The following RPS3 variants were observed in gnomAD, a reference collection of about 807,000 sequenced individuals.
The protein encoded by RPS3 is small ribosomal subunit protein uS3.
A neutral mutation model predicts 25.8 loss-of-function variants in RPS3; 2 were observed. That is an observed-to-expected ratio of 0.08 (90% CI 0.03 to 0.24). RPS3 has a LOEUF of 0.24. RPS3 is among the 10% of genes least tolerant of loss of function. RPS3 has a pLI of 1.00. For synonymous variants in RPS3, 114 were observed against 114.2 expected, an observed-to-expected ratio of 1.00 and a Z score of 0.01; for missense variants, 107 against 307.1, an observed-to-expected ratio of 0.35 and a Z score of 4.87.
Position 75,404,254 on chromosome 11 carries a change from G to T in RPS3, c.538+47G>T. ...GCAAAGGGCATTTGTGGACAGATTT[G>T]GTTTTCCACAGACATCTTAAGTATT... On this transcript the variant is annotated intron_variant, in intron 5 of 6. Coordinates refer to ENST00000531188, the MANE Select transcript of RPS3 (RefSeq NM_001005.5). The surrounding 1 kb of genome is among the most constrained non-coding windows in gnomAD (Gnocchi z 4.6). 6.4e-7 allele frequency: 1 copy of T among 1,553,220 alleles called. No individual in the cohort carries two copies. Among genetic ancestry groups the T allele is most frequent in the African/African-American group, 1.4e-5 (1 of 73,744 alleles).
At chr11:75,408,177 C>G (rs1301804384), downstream of RPS3, among the ~76,000 whole-genome samples, 1 of 152,142 alleles carries the variant, frequency 6.6e-6, no homozygotes, top group Admixed American at 6.5e-5. Context: ...ATTGAATTAT[C>G]AAAGTGAACA....
chr11:75,402,105 C>G, intron 3 of RPS3: 1 of 573,624 alleles, frequency 1.7e-6, no homozygotes, highest in South Asian at 2.1e-5. Context: ...GGTGTCCGAT[C>G]TTTTGGCCTC....
rs1358750078 is a variant in RPS3, at chr11:75,402,803, G to C, written c.350+357G>C. 7 of 170,902 alleles carry C rather than the reference G, an allele frequency of 4.1e-5. No homozygotes were observed. The East Asian group carries it at 1.0e-3, about 26-fold the overall frequency. The allele number at this position is 170,902 out of a possible 1,614,324, so 10.6% of individuals were successfully genotyped here. On this transcript the variant is annotated intron_variant, in intron 4 of 6. Coordinates refer to ENST00000531188, the MANE Select transcript of RPS3 (RefSeq NM_001005.5). ...GGCAGTGGGCAATGAGGAATAATTA[G>C]GCCTGTTACTGGGTGTGTTACGTAT... is the stretch of plus-strand genomic sequence containing the variant.
At chr11:75,409,145 C>T (rs1384674733), downstream of RPS3, among the ~76,000 whole-genome samples, 2 of 151,554 alleles carry the variant, frequency 1.3e-5, no homozygotes, top group South Asian at 2.1e-4. Context: ...CCATCTCTGA[C>T]TAATTTTTAT....
chr11:75,404,570 C>A lies in RPS3; in HGVS notation c.539-102C>A. 1 of 1,160,458 alleles carries A rather than the reference C, an allele frequency of 8.6e-7. No individual in the cohort carries two copies. Among genetic ancestry groups the A allele is most frequent in the Non-Finnish European group, 1.3e-6 (1 of 767,114 alleles). The allele number at this position is 1,160,458 out of a possible 1,614,324, so 71.9% of individuals were successfully genotyped here. On this transcript the variant is annotated intron_variant, in intron 5 of 6. Coordinates refer to ENST00000531188, the MANE Select transcript of RPS3 (RefSeq NM_001005.5). The surrounding 1 kb of genome is among the most constrained non-coding windows in gnomAD (Gnocchi z 4.6). The stretch of plus-strand genomic sequence containing the variant: ...TAGAGGCATTTGTCTGAGAAGGGTC[C>A]AGACCCAGGGGTGCTTGAGTAAACT...
At chr11:75,403,977 G>A (rs957287685) in intron 4 of RPS3, 43 bp from the exon 5 acceptor site, 1 of 1,567,432 alleles carries the variant, frequency 6.4e-7, no homozygotes, top group Non-Finnish European at 8.7e-7. Flanking sequence ...CTTGGTGGAG[G>A]TCCTTGGCAA....
chr11:75,419,926 A>C (rs1335242541), intron 6 of RPS3, among the ~76,000 whole-genome samples: 4 of 152,218 alleles, frequency 2.6e-5, no homozygotes, highest in Non-Finnish European at 4.4e-5. Flanking sequence ...TTTTTTAAAA[A>C]ATAAATCTTG....
At chr11:75,418,033 C>T (rs1054195192) in intron 6 of RPS3, among the ~76,000 whole-genome samples, 8 of 152,196 alleles carry the variant, frequency 5.3e-5, no homozygotes, top group Non-Finnish European at 1.0e-4. Context: ...GGTGCAGATA[C>T]GGGCTCCACC....
In RPS3 at chr11:75,417,174, C is replaced by T. The variant is rs538687399; in HGVS notation, c.*4-4553C>T. ...GGCAGAACTGGTGATTTTTCTTAGG[C>T]TTTAAGAAATATTGGCAGGGTATGG... On this transcript the variant is annotated intron_variant, in intron 6 of 6. Coordinates refer to the RPS3 transcript ENST00000527446. 1.2e-4 allele frequency among the ~76,000 whole-genome samples: 18 copies of T among 152,278 alleles called. No individual in the cohort carries two copies. The South Asian group carries it at 3.7e-3, about 32-fold the overall frequency.
At chr11:75,410,236 G>C (rs1323463359), downstream of RPS3, among the ~76,000 whole-genome samples, 1 of 151,462 alleles carries the variant, frequency 6.6e-6, no homozygotes, top group East Asian at 2.0e-4. Context: ...CCCAGACGGG[G>C]TGGCTGCTGG....
At chr11:75,411,821 G>C (rs1948359219), downstream of RPS3, among the ~76,000 whole-genome samples, 1 of 152,218 alleles carries the variant, frequency 6.6e-6, no homozygotes, top group Non-Finnish European at 1.5e-5. Flanking sequence ...CCTGAATTTA[G>C]CTGCTGTTAG....
chr11:75,421,518 T>TG (rs1012936441), intron 6 of RPS3, among the ~76,000 whole-genome samples: 15 of 152,210 alleles, frequency 9.9e-5, no homozygotes, highest in Non-Finnish European at 2.1e-4. Flanking sequence ...AGCAGTTTGT[T>TG]GCTGCCCCTA....
chr11:75,421,557 G>A (rs1295022078), intron 6 of RPS3, among the ~76,000 whole-genome samples: 1 of 152,234 alleles, frequency 6.6e-6, no homozygotes, highest in Non-Finnish European at 1.5e-5. Flanking sequence ...GACATCAGGG[G>A]CTTGTGCCCC....
chr11:75,401,626 CT>C lies in RPS3; in HGVS notation c.162-10del, dbSNP rs1387299810. ...CATTTGTGAGAATCTTGAATTGTCA[CT>C]TTTCCCCCCCAGAACACAGAATGTT... On this transcript the variant is annotated splice_polypyrimidine_tract_variant and intron_variant, in intron 2 of 6. Coordinates refer to ENST00000531188, the MANE Select transcript of RPS3 (RefSeq NM_001005.5). 23 of 1,574,772 alleles carry C rather than the reference CT, an allele frequency of 1.5e-5. No individual in the cohort carries two copies. The highest frequency in any genetic ancestry group is 3.3e-5 in the Admixed American group (2 of 59,796).
chr11:75,403,772 CCT>C, intron 4 of RPS3: 1 of 381,812 alleles, frequency 2.6e-6, no homozygotes, highest in Non-Finnish European at 4.7e-6. Context: ...TTTATTTTAG[CCT>C]TCTGAGGTGA....
chr11:75,408,784 G>C (rs1451628466), downstream of RPS3, among the ~76,000 whole-genome samples: 1 of 152,130 alleles, frequency 6.6e-6, no homozygotes, highest in Admixed American at 6.6e-5. Flanking sequence ...GACCTCAAGT[G>C]ATCCACCTCC....
downstream of RPS3, among the ~76,000 whole-genome samples, chr11:75,411,120 C>T (rs1348411948): frequency 2.6e-5 from 4 of 152,132 alleles, no homozygotes; most frequent in Admixed American, 2.0e-4. Context: ...TCGTGATCTG[C>T]CCACCTCAGC....
downstream of RPS3, among the ~76,000 whole-genome samples, chr11:75,411,069 G>A (rs139125728): frequency 0.024 from 3,654 of 152,146 alleles, 142 homozygotes; most frequent in African/African-American, 0.081. Context: ...GTAGAGATGG[G>A]GTTTCACCAT....
intron 6 of RPS3, among the ~76,000 whole-genome samples, chr11:75,414,583 C>G (rs896070161): frequency 2.0e-5 from 3 of 150,988 alleles, no homozygotes; most frequent in Non-Finnish European, 4.4e-5. Context: ...TGCACTCCAG[C>G]CTGGGCGACA....
Sources: allele counts gnomAD v4.1 joint callset (sites outside exome capture counted in the v4.1 genomes callset), GRCh38; gene constraint gnomAD v4.1.1; non-coding constraint Gnocchi (gnomAD v3.1); transcripts MANE v1.5; gene names NCBI Gene and HGNC (gene_info 2026-07-23, HGNC 2026-07-21).